The following CABIN1 variants were observed in gnomAD, a reference collection of about 807,000 sequenced individuals.
The protein encoded by CABIN1 is calcineurin binding protein 1, also known as calcineurin-binding protein cabin-1.
CABIN1 carries 133 observed loss-of-function variants against 227.7 expected under a neutral mutation model. The observed-to-expected ratio is 0.58, with a 90% CI of 0.51 to 0.67. CABIN1 has a LOEUF of 0.67. CABIN1 is among the 30% of genes least tolerant of loss of function. The pLI, the probability that CABIN1 is intolerant of heterozygous loss-of-function variation, is 0.00. For missense variants in CABIN1, 2,408 were observed against 2,852.5 expected (o/e 0.84, Z 3.55); for synonymous variants, 1,086 against 1,155.1 (o/e 0.94, Z 1.21).
chr22:24,139,481 C>T (rs2044617835), intron 29 of CABIN1, among the ~76,000 whole-genome samples: 1 of 151,986 alleles, frequency 6.6e-6, no homozygotes, highest in Admixed American at 6.6e-5. Context: ...CAGAAGAATC[C>T]CTTCAACTCA....
intron 1 of CABIN1, among the ~76,000 whole-genome samples, chr22:24,014,191 C>T (rs1300292592): frequency 6.6e-6 from 1 of 152,200 alleles, no homozygotes; most frequent in African/African-American, 2.4e-5. Context: ...AATTATTTCT[C>T]TCTTTCCTTC....
rs892832144 is a variant in CABIN1 at position 24,166,563 on chromosome 22, C to T, written c.5008-76C>T. The T allele has an allele frequency of 1.9e-6, 3 of 1,591,956 alleles. No homozygotes were observed. In the African/African-American group the frequency reaches 4.0e-5, roughly 21 times the overall value. ...TCAGGTGGGAGAGGCCCAGGTTGGG[C>T]TCACCAGCCCCCAGAGGTGACTCAT... is the stretch of plus-strand genomic sequence containing the variant. On this transcript the variant is annotated intron_variant, in intron 31 of 36. Coordinates refer to ENST00000263119, the MANE Select transcript of CABIN1 (RefSeq NM_012295.4).
chr22:24,116,421 G>A (rs1456857533), intron 27 of CABIN1, among the ~76,000 whole-genome samples: 1 of 152,194 alleles, frequency 6.6e-6, no homozygotes, highest in African/African-American at 2.4e-5. Context: ...TCAACTAGAG[G>A]CCTAGTGACA....
At chr22:24,106,030 T>C (rs1211830276) in intron 26 of CABIN1, among the ~76,000 whole-genome samples, 3 of 152,176 alleles carry the variant, frequency 2.0e-5, no homozygotes, top group Non-Finnish European at 4.4e-5. Context: ...TGTAGGCTGT[T>C]CCTGAGGCCA....
At chr22:24,081,484 TA>T (rs1569182501) in intron 19 of CABIN1, among the ~76,000 whole-genome samples, 1 of 152,238 alleles carries the variant, frequency 6.6e-6, no homozygotes, top group Non-Finnish European at 1.5e-5. Context: ...TTTTCATTGC[TA>T]AAATAGTTTG....
chr22:24,084,764 C>T lies in CABIN1; in HGVS notation c.3096C>T (p.Tyr1032=), dbSNP rs199746330. Residue 1032 remains tyrosine (Y), a synonymous_variant, in exon 21 of 37, where the codon TAC becomes TAT. Transcript: ENST00000263119. ...TTAGCCTGGACAAAGTCTCTGCCTACATTGAGGGAACTTCAACTGAGGTGG... is the reference window on the plus strand; with the variant it reads ...TTAGCCTGGACAAAGTCTCTGCCTATATTGAGGGAACTTCAACTGAGGTGG... ...PALSLDKVSA[Y]IEGTSTEVPC... The T allele has an allele frequency of 6.2e-7, 1 of 1,614,226 alleles. No homozygotes were observed. Among genetic ancestry groups the T allele is most frequent in the African/African-American group, 1.3e-5 (1 of 75,052 alleles).
intron 8 of CABIN1, among the ~76,000 whole-genome samples, chr22:24,053,049 A>G (rs2038476456): frequency 6.7e-6 from 1 of 150,200 alleles, no homozygotes; most frequent in Non-Finnish European, 1.5e-5. Flanking sequence ...AATTTGAAGC[A>G]CTGTCCTTTT....
In CABIN1 at chr22:24,177,940, T is replaced by C; in HGVS notation, c.6520-113T>C. 1 of 762,560 alleles carries C rather than the reference T, an allele frequency of 1.3e-6. No homozygotes were observed. The highest frequency in any genetic ancestry group is 1.8e-6 in the Non-Finnish European group (1 of 549,632). 47.2% of individuals were successfully genotyped at this position (762,560 alleles called of 1,614,324 possible). A position where few individuals can be genotyped will look rare whatever the true frequency, so the allele number is the denominator to read the frequency against. On this transcript the variant is annotated intron_variant, in intron 36 of 36. Coordinates refer to ENST00000263119, the MANE Select transcript of CABIN1 (RefSeq NM_012295.4). This position sits in a 1 kb window ranked among gnomAD's most constrained non-coding sequence, Gnocchi z 4.4. ...TGTGGGTGAGGATGGCATAGGGGCCTGGGGCAGGGGTGAGGGTGGGAGGGG... is the reference window on the plus strand; with the variant it reads ...TGTGGGTGAGGATGGCATAGGGGCCCGGGGCAGGGGTGAGGGTGGGAGGGG...
intron 27 of CABIN1, among the ~76,000 whole-genome samples, chr22:24,115,743 G>A (rs2043046839): frequency 6.6e-6 from 1 of 152,196 alleles, no homozygotes; most frequent in Non-Finnish European, 1.5e-5. Context: ...AGAAAGCTGG[G>A]ACAGCAGTGC....
intron 29 of CABIN1, among the ~76,000 whole-genome samples, chr22:24,142,586 T>C (rs2044835973): frequency 1.3e-5 from 2 of 152,044 alleles, no homozygotes; most frequent in Non-Finnish European, 2.9e-5. Context: ...GTAAGAGAGG[T>C]ACCTTCCCTG....
intron 8 of CABIN1, among the ~76,000 whole-genome samples, chr22:24,053,366 G>A (rs1352716615): frequency 6.7e-6 from 1 of 149,228 alleles, no homozygotes; most frequent in Admixed American, 6.7e-5. Flanking sequence ...GTGAGCCACC[G>A]CACCCAGCCA....
intron 24 of CABIN1, among the ~76,000 whole-genome samples, chr22:24,092,205 A>G (rs1254546926): frequency 2.0e-5 from 3 of 152,244 alleles, no homozygotes; most frequent in South Asian, 4.1e-4. Context: ...GGCAGGCACC[A>G]TTGCCTCCAG....
chr22:24,163,303 C>T (rs1367496837), intron 29 of CABIN1, among the ~76,000 whole-genome samples: 1 of 152,258 alleles, frequency 6.6e-6, no homozygotes, highest in Non-Finnish European at 1.5e-5. Flanking sequence ...GGTGCCCTGG[C>T]TTTCCTCCCA....
At chr22:24,113,245 A>G (rs975496726) in intron 26 of CABIN1, among the ~76,000 whole-genome samples, 3 of 152,244 alleles carry the variant, frequency 2.0e-5, no homozygotes, top group African/African-American at 4.8e-5. Context: ...CCATGGTGGG[A>G]ATATTTACAC....
intron 10 of CABIN1, chr22:24,056,625 T>C: frequency 2.1e-6 from 1 of 487,786 alleles, no homozygotes; most frequent in Non-Finnish European, 3.7e-6. Context: ...CTCATGTCCC[T>C]GTGTATTTAC....
intron 17 of CABIN1, chr22:24,071,258 A>G: frequency 1.6e-6 from 1 of 626,016 alleles, no homozygotes; most frequent in Non-Finnish European, 2.8e-6. Context: ...GAGACTGTGT[A>G]GCACTTGGTG....
rs2040940226 is a variant in CABIN1 at position 24,083,401 on chromosome 22, G to A, written c.2910+12G>A. The A allele has an allele frequency of 2.5e-6, 4 of 1,613,700 alleles. No individual in the cohort carries two copies. Among genetic ancestry groups the A allele is most frequent in the Non-Finnish European group, 3.4e-6 (4 of 1,179,964 alleles). Reference sequence around the variant, plus strand: ...ACTCGGCCCAGCAGGTGAGGGTGCTGCAATAGGCCCAACAAAGAGGGAAGC... The same window carrying A: ...ACTCGGCCCAGCAGGTGAGGGTGCTACAATAGGCCCAACAAAGAGGGAAGC... On this transcript the variant is annotated intron_variant, in intron 20 of 36. Coordinates refer to ENST00000263119, the MANE Select transcript of CABIN1 (RefSeq NM_012295.4).
At chr22:24,134,508 A>G in intron 29 of CABIN1, 93 bp downstream of exon 29, 1 of 1,039,946 alleles carries the variant, frequency 9.6e-7, no homozygotes, top group South Asian at 1.3e-5. Context: ...GGGTGTTCCC[A>G]GGGCCTCAAG....
chr22:24,080,513 T>C (rs936604381), intron 19 of CABIN1, among the ~76,000 whole-genome samples: 4 of 152,234 alleles, frequency 2.6e-5, no homozygotes, highest in Admixed American at 6.5e-5. Context: ...ATTGAGTCTT[T>C]CTAGTCGTAA....
Sources: allele counts gnomAD v4.1 joint callset (sites outside exome capture counted in the v4.1 genomes callset), GRCh38; gene constraint gnomAD v4.1.1; non-coding constraint Gnocchi (gnomAD v3.1); transcripts MANE v1.5; gene names NCBI Gene and HGNC (gene_info 2026-07-23, HGNC 2026-07-21).